GPR160: variants seen among roughly 807,000 people sequenced by gnomAD.
The protein encoded by GPR160 is probable G protein-coupled receptor 160.
A neutral mutation model predicts 2.6 loss-of-function variants in GPR160; 2 were observed. The observed-to-expected ratio is 0.77, with a 90% CI of 0.32 to 2.44. GPR160 has a LOEUF of 2.44. GPR160 is among the 30% of genes most tolerant of loss of function. The probability of loss-of-function intolerance (pLI) is 0.11; values close to 1 mark genes in which losing one functional copy is unlikely to be tolerated. For missense variants in GPR160, 351 were observed against 383.6 expected, an observed-to-expected ratio of 0.91 and a Z score of 0.71; for synonymous variants, 130 against 132.2, an observed-to-expected ratio of 0.98 and a Z score of 0.12.
chr3:170,063,959 C>T lies in GPR160; in HGVS notation c.-192-15815C>T, dbSNP rs1052521564. Among the ~76,000 whole-genome samples the T allele has an allele frequency of 2.8e-4, 42 of 152,108 alleles. 1 individual carries two copies. The highest frequency in any genetic ancestry group is 1.7e-3 in the Admixed American group (26 of 15,274). ...GTGAGGAGAGTGTGGCTTGCCTTCCCTGCCGGGCAGAATTTCCTGAAACTG... is the reference window on the plus strand; with the variant it reads ...GTGAGGAGAGTGTGGCTTGCCTTCCTTGCCGGGCAGAATTTCCTGAAACTG... On this transcript the variant is annotated intron_variant, in intron 2 of 3. Coordinates refer to ENST00000355897, the MANE Select transcript of GPR160 (RefSeq NM_014373.3).
chr3:170,056,927 A>G (rs1175159368), intron 2 of GPR160, among the ~76,000 whole-genome samples: 1 of 152,220 alleles, frequency 6.6e-6, no homozygotes, highest in Non-Finnish European at 1.5e-5. Context: ...TAATACTTGT[A>G]TGAGACTGAA....
chr3:170,071,152 G>C (rs1712569788), intron 2 of GPR160, among the ~76,000 whole-genome samples: 1 of 152,072 alleles, frequency 6.6e-6, no homozygotes, highest in Admixed American at 6.5e-5. Flanking sequence ...CATGTGATAT[G>C]GTTTAGATAT....
chr3:170,081,602 A>C (rs1288378695), intron 3 of GPR160, among the ~76,000 whole-genome samples: 1 of 152,150 alleles, frequency 6.6e-6, no homozygotes, highest in Non-Finnish European at 1.5e-5. Flanking sequence ...TTTTAGGTTC[A>C]GGGGTACATG....
At chr3:170,045,401 AAAAATAC>A (rs1716666212) in intron 2 of GPR160, among the ~76,000 whole-genome samples, 1 of 96,340 alleles carries the variant, frequency 1.0e-5, no homozygotes, top group Non-Finnish European at 1.9e-5. Context: ...TGTCTCTACT[AAAAATAC>A]AAAAAAAAAA....
intron 2 of GPR160, among the ~76,000 whole-genome samples, chr3:170,073,858 C>T (rs1489434428): frequency 1.4e-5 from 2 of 146,144 alleles, no homozygotes; most frequent in Non-Finnish European, 3.0e-5. Context: ...GTTTTAAATA[C>T]AGAATCAGTT....
intron 2 of GPR160, among the ~76,000 whole-genome samples, chr3:170,044,855 C>A (rs1231166890): frequency 6.6e-6 from 1 of 152,098 alleles, no homozygotes. Flanking sequence ...TAGGCACAGC[C>A]CCCCAAGAAA....
At chr3:170,053,230 T>C (rs1458999872) in intron 2 of GPR160, among the ~76,000 whole-genome samples, 1 of 152,214 alleles carries the variant, frequency 6.6e-6, no homozygotes, top group Non-Finnish European at 1.5e-5. Flanking sequence ...CTGGGGAGGA[T>C]TGACATGTTA....
At chr3:170,061,787 C>A (rs1391937935) in intron 2 of GPR160, among the ~76,000 whole-genome samples, 1 of 151,988 alleles carries the variant, frequency 6.6e-6, no homozygotes, top group Non-Finnish European at 1.5e-5. Context: ...ATTGGCAAGT[C>A]TCCATTAAAT....
intron 2 of GPR160, among the ~76,000 whole-genome samples, chr3:170,047,161 A>C (rs1325593714): frequency 6.6e-6 from 1 of 152,150 alleles, no homozygotes; most frequent in African/African-American, 2.4e-5. Context: ...AAAGCTTCAG[A>C]GTCCATCCTA....
intron 2 of GPR160, among the ~76,000 whole-genome samples, chr3:170,049,319 A>G (rs1405725350): frequency 6.6e-6 from 1 of 152,160 alleles, no homozygotes; most frequent in African/African-American, 2.4e-5. Context: ...CTGTCTGATA[A>G]TTCATTTGAC....
At chr3:170,040,637 C>T (rs1716407573) in intron 2 of GPR160, among the ~76,000 whole-genome samples, 1 of 152,188 alleles carries the variant, frequency 6.6e-6, no homozygotes, top group African/African-American at 2.4e-5. Flanking sequence ...GCCCAAATCC[C>T]TTCCAAGTTG....
chr3:170,062,474 G>T, intron 2 of GPR160: 1 of 582,066 alleles, frequency 1.7e-6, no homozygotes. Flanking sequence ...GAAGTCAAAT[G>T]CCAGGGGAAA....
In GPR160 at chr3:170,045,408, C is replaced by CAAAAAAAAAAAAAAAAAAAAAA. The variant is rs368019452; in HGVS notation, c.-193+6383_-193+6404dup. ...TGAAACCCTGTCTCTACTAAAAATA[C>CAAAAAAAAAAAAAAAAAAAAAA]AAAAAAAAAAAAAAAAAAAAAAAAA... On this transcript the variant is annotated intron_variant, in intron 2 of 3. Coordinates refer to ENST00000355897, the MANE Select transcript of GPR160 (RefSeq NM_014373.3). Among the ~76,000 whole-genome samples, 7 of 33,658 alleles carry CAAAAAAAAAAAAAAAAAAAAAA rather than the reference C, an allele frequency of 2.1e-4. 2 individuals are homozygous for CAAAAAAAAAAAAAAAAAAAAAA. The highest frequency in any genetic ancestry group is 3.3e-4 in the Non-Finnish European group (6 of 18,160). The allele number at this position is 33,658 out of a possible 152,430, so 22.1% of individuals were successfully genotyped here.
intron 2 of GPR160, among the ~76,000 whole-genome samples, chr3:170,078,872 G>C (rs1464739378): frequency 6.6e-6 from 1 of 152,040 alleles, no homozygotes; most frequent in Non-Finnish European, 1.5e-5. Flanking sequence ...GTAGGGAAAG[G>C]AGCAGGCCTT....
intron 2 of GPR160, among the ~76,000 whole-genome samples, chr3:170,050,524 A>G (rs148898296): frequency 0.021 from 3,126 of 151,766 alleles, 110 homozygotes; most frequent in African/African-American, 0.071. Flanking sequence ...CTCCTGCCTC[A>G]GCCTCCCAAG....
At position 170,084,329 on chromosome 3, in the gene GPR160, T is replaced by A; in HGVS notation, c.357T>A (p.Asp119Glu). The change falls in exon 4 of 4, where the codon GAT becomes GAA. Residue 119 changes from aspartate to glutamate, a missense_variant. Coordinates refer to ENST00000355897, the MANE Select transcript of GPR160 (RefSeq NM_014373.3). Reference sequence around the variant, plus strand: ...CAGTTTTCCTGACAGCTTGTATAGATTATTGCCTGAATTTCTCTAAAACAA... The same window carrying A: ...CAGTTTTCCTGACAGCTTGTATAGAATATTGCCTGAATTTCTCTAAAACAA... ...HYPVFLTACIDYCLNFSKTTK... is the reference protein window; with the variant it reads ...HYPVFLTACIEYCLNFSKTTK... The A allele has an allele frequency of 3.1e-6, 5 of 1,609,258 alleles. No individual in the cohort carries two copies. The highest frequency in any genetic ancestry group is 4.2e-6 in the Non-Finnish European group (5 of 1,176,882).
At chr3:170,082,989 G>A (rs1340483117) in intron 3 of GPR160, among the ~76,000 whole-genome samples, 1 of 147,188 alleles carries the variant, frequency 6.8e-6, no homozygotes, top group Non-Finnish European at 1.5e-5. Context: ...TTTTTTTTTG[G>A]TTTTTGTTTT....
chr3:170,063,552 CAAAAAA>C (rs528295183), intron 2 of GPR160, among the ~76,000 whole-genome samples: 5 of 78,920 alleles, frequency 6.3e-5, no homozygotes, highest in Non-Finnish European at 8.8e-5. Context: ...ACAAAAAAAG[CAAAAAA>C]AAAAAAAAAA....
intron 2 of GPR160, among the ~76,000 whole-genome samples, chr3:170,042,968 G>A (rs1237602167): frequency 6.8e-6 from 1 of 147,828 alleles, no homozygotes; most frequent in Non-Finnish European, 1.5e-5. Context: ...TGCAAGCTCT[G>A]CCTCCCGGAT....
Sources: gnomAD v4.1 joint callset for allele counts (sites outside exome capture counted in the v4.1 genomes callset) on GRCh38, gnomAD v4.1.1 for gene constraint, MANE v1.5 for transcripts, NCBI Gene and HGNC (gene_info 2026-07-23, HGNC 2026-07-21) for gene names.